WDR44: variants seen among roughly 807,000 people sequenced by gnomAD.
The protein encoded by WDR44 is WD repeat domain 44, also known as WD repeat-containing protein 44.
WDR44 carries 9 observed loss-of-function variants against 65.7 expected under a neutral mutation model. That is an observed-to-expected ratio of 0.14 (90% CI 0.08 to 0.24). The LOEUF is 0.24. Among genes scored for constraint, WDR44 ranks in the 10% least tolerant of loss-of-function variants. WDR44 has a pLI of 1.00. For missense variants in WDR44, 425 were observed against 670.9 expected, an observed-to-expected ratio of 0.63 and a Z score of 4.05; for synonymous variants, 220 against 235.2, an observed-to-expected ratio of 0.94 and a Z score of 0.59.
chrX:118,427,362 C>T (rs1231714966), intron 12 of WDR44, among the ~76,000 whole-genome samples: 1 of 108,019 alleles, frequency 9.3e-6, no homozygotes, highest in African/African-American at 3.4e-5. Flanking sequence ...GCTCCGCCTC[C>T]CGGGTTCACG....
At chrX:118,394,030 ATTG>A (rs1453182999) in intron 4 of WDR44, 22 bp from the exon 5 acceptor site, 32 of 1,181,996 alleles carry the variant, frequency 2.7e-5, no homozygotes, top group Non-Finnish European at 3.3e-5. Context: ...GGTTGTTATT[ATTG>A]TTGTTATTAT....
intron 10 of WDR44, among the ~76,000 whole-genome samples, chrX:118,407,472 G>C (rs747183333): frequency 1.5e-3 from 156 of 103,934 alleles, no homozygotes; most frequent in African/African-American, 4.8e-3. Context: ...CTGCACTCCA[G>C]CCTGGGCTAC....
chrX:118,373,098 A>C (rs746366823), intron 1 of WDR44, among the ~76,000 whole-genome samples: 117 of 110,613 alleles, frequency 1.1e-3, no homozygotes, highest in Non-Finnish European at 1.9e-3. Context: ...TCAAAAAATA[A>C]AACAACAACA....
At chrX:118,429,925 G>A (rs1300577184) in intron 12 of WDR44, among the ~76,000 whole-genome samples, 1 of 110,769 alleles carries the variant, frequency 9.0e-6, no homozygotes, top group East Asian at 2.9e-4. Context: ...TTACAGGAGT[G>A]AACCACCACG....
Position 118,447,690 on chromosome X carries a change from A to G in WDR44, c.2648-1203A>G, listed in dbSNP as rs978233888. Among the ~76,000 whole-genome samples the G allele has an allele frequency of 2.7e-5, 3 of 109,305 alleles. No individual in the cohort carries two copies. In the Admixed American group the frequency reaches 3.0e-4, roughly 11 times the overall value. The allele number at this position is 109,305 out of a possible 115,157, so 94.9% of individuals were successfully genotyped here. A position where few individuals can be genotyped will look rare whatever the true frequency, so the allele number is the denominator to read the frequency against. On this transcript the variant is annotated intron_variant, in intron 19 of 19. Coordinates refer to ENST00000254029, the MANE Select transcript of WDR44 (RefSeq NM_019045.5). ...CACTTGAGACCAGGAGTTTGAGACC[A>G]GCCTGGACAACATAGCAAGACCCTG... is the stretch of plus-strand genomic sequence containing the variant.
At chrX:118,428,690 TC>T (rs2057180548) in intron 12 of WDR44, among the ~76,000 whole-genome samples, 1 of 111,688 alleles carries the variant, frequency 9.0e-6, no homozygotes, top group Non-Finnish European at 1.9e-5. Flanking sequence ...GACCCAGCAA[TC>T]CCATTACTGG....
intron 1 of WDR44, among the ~76,000 whole-genome samples, chrX:118,369,423 G>A (rs1233135470): frequency 2.0e-4 from 21 of 106,293 alleles, no homozygotes; most frequent in Middle Eastern, 4.8e-3. Flanking sequence ...CGCCCGCCTC[G>A]GCCTCCCAAA....
At chrX:118,382,273 A>T (rs2056725812) in intron 2 of WDR44, among the ~76,000 whole-genome samples, 1 of 111,768 alleles carries the variant, frequency 8.9e-6, no homozygotes, top group African/African-American at 3.3e-5. Context: ...GGAACTAAGA[A>T]AACTGGTGGA....
chrX:118,372,629 G>A (rs942514407), intron 1 of WDR44, among the ~76,000 whole-genome samples: 16 of 111,476 alleles, frequency 1.4e-4, no homozygotes, highest in Non-Finnish European at 1.5e-4. Context: ...GATTATGTAC[G>A]TAAAGTCTCA....
rs1042035879 is a variant in WDR44, at chrX:118,393,413, GAGC to G, written c.826+144_826+146del. On this transcript the variant is annotated intron_variant, in intron 4 of 19. Coordinates refer to ENST00000254029, the MANE Select transcript of WDR44 (RefSeq NM_019045.5). Reference sequence around the variant, plus strand: ...TGGGCAACATGGCAAAACCCCATCTGAGCAACAACAACAAAAAAAAATACAAAA... The same window carrying G: ...TGGGCAACATGGCAAAACCCCATCTGAACAACAACAAAAAAAAATACAAAA... 7.1e-4 allele frequency: 433 copies of G among 612,067 alleles called. 4 individuals are homozygous for G. The African/African-American group carries it at 8.9e-3, about 13-fold the overall frequency. 50.4% of individuals were successfully genotyped at this position (612,067 alleles called of 1,213,427 possible). A position where few individuals can be genotyped will look rare whatever the true frequency, so the allele number is the denominator to read the frequency against.
At chrX:118,379,298 A>T (rs893002175) in intron 2 of WDR44, among the ~76,000 whole-genome samples, 63 of 111,309 alleles carry the variant, frequency 5.7e-4, no homozygotes, top group African/African-American at 2.0e-3. Context: ...GTGTAATCTC[A>T]AACATGCTAT....
intron 3 of WDR44, among the ~76,000 whole-genome samples, chrX:118,389,685 A>C (rs1049141231): frequency 2.1e-4 from 19 of 91,265 alleles, no homozygotes; most frequent in Non-Finnish European, 1.9e-4. Flanking sequence ...GCGCCACTGC[A>C]CTCCAGCCTG....
intron 2 of WDR44, among the ~76,000 whole-genome samples, chrX:118,386,904 G>A (rs2056772843): frequency 9.0e-6 from 1 of 110,816 alleles, no homozygotes; most frequent in South Asian, 3.7e-4. Context: ...CCTTTAGGCT[G>A]GGCACAGTGG....
chrX:118,377,318 C>T (rs1249752427), intron 1 of WDR44, among the ~76,000 whole-genome samples: 1 of 110,396 alleles, frequency 9.1e-6, no homozygotes, highest in Non-Finnish European at 1.9e-5. Flanking sequence ...CAAGATCACA[C>T]CACTGCACTC....
intron 1 of WDR44, among the ~76,000 whole-genome samples, chrX:118,361,504 G>A (rs1056345543): frequency 1.8e-5 from 2 of 111,941 alleles, no homozygotes; most frequent in African/African-American, 3.2e-5. Flanking sequence ...AGGCAGGCGG[G>A]GGGCCAAGGC....
At chrX:118,435,862 T>C (rs1275460248) in intron 13 of WDR44, among the ~76,000 whole-genome samples, 2 of 112,640 alleles carry the variant, frequency 1.8e-5, no homozygotes, top group African/African-American at 6.5e-5. Flanking sequence ...ATAGTGTTGC[T>C]ATATAATGCG....
At chrX:118,376,245 G>C (rs1021107653) in intron 1 of WDR44, among the ~76,000 whole-genome samples, 6 of 110,665 alleles carry the variant, frequency 5.4e-5, no homozygotes, top group Admixed American at 9.7e-5. Context: ...GCCCATAAAT[G>C]TTTGTTGAGT....
chrX:118,421,072 A>G (rs1216487467), intron 12 of WDR44, among the ~76,000 whole-genome samples: 2 of 111,460 alleles, frequency 1.8e-5, no homozygotes, highest in Non-Finnish European at 3.8e-5. Flanking sequence ...TCATCTTTCT[A>G]TTCAAAGCAT....
chrX:118,368,681 A>T (rs1336516514), intron 1 of WDR44, among the ~76,000 whole-genome samples: 2 of 97,017 alleles, frequency 2.1e-5, no homozygotes, highest in Non-Finnish European at 4.0e-5. Context: ...GATGCCACTA[A>T]TCATATGAAG....
Sources: allele counts gnomAD v4.1 joint callset (sites outside exome capture counted in the v4.1 genomes callset), GRCh38; gene constraint gnomAD v4.1.1; transcripts MANE v1.5; gene names NCBI Gene and HGNC (gene_info 2026-07-23, HGNC 2026-07-21).